The following DNAJC6 variants were observed in gnomAD, a reference collection of about 807,000 sequenced individuals.
DNAJC6 encodes auxilin.
DNAJC6 carries 34 observed loss-of-function variants against 110.0 expected under a neutral mutation model. The ratio of observed to expected loss-of-function variants is 0.31; its 90% CI spans 0.24 to 0.41. The LOEUF (loss-of-function observed/expected upper bound fraction) is 0.41, where lower values mean the gene tolerates loss of function less well. Ranked by LOEUF, DNAJC6 falls within the 10% of genes least tolerant of loss-of-function variation. DNAJC6 has a pLI of 1.00. For synonymous variants in DNAJC6, 406 were observed against 437.2 expected (o/e 0.93, Z 0.89); for missense variants, 1,031 against 1,207.8 (o/e 0.85, Z 2.17).
chr1:65,292,021 C>G (rs1262336916), intron 1 of DNAJC6, among the ~76,000 whole-genome samples: 2 of 151,546 alleles, frequency 1.3e-5, no homozygotes, highest in Non-Finnish European at 2.9e-5. Context: ...TTTTTATTTA[C>G]TTTTTACTTT....
chr1:65,364,530 C>T (rs1645626740), intron 1 of DNAJC6, 105 bp from the exon 2 acceptor site: 7 of 1,289,256 alleles, frequency 5.4e-6, no homozygotes, highest in Non-Finnish European at 7.3e-6. Flanking sequence ...GTCCCAGACT[C>T]TTAAAGACAG....
chr1:65,388,550 A>G, intron 9 of DNAJC6, 135 bp downstream of exon 9: 1 of 764,776 alleles, frequency 1.3e-6, no homozygotes, highest in Non-Finnish European at 2.2e-6. Context: ...TAGCACAGAG[A>G]GGCTGTGGGC....
intron 1 of DNAJC6, among the ~76,000 whole-genome samples, chr1:65,340,827 T>C (rs1024616304): frequency 6.6e-6 from 1 of 152,194 alleles, no homozygotes; most frequent in Non-Finnish European, 1.5e-5. Flanking sequence ...GTTATTACAC[T>C]TTCTATTTAT....
chr1:65,395,058 C>T, intron 13 of DNAJC6, 26 bp downstream of exon 13: 1 of 1,574,884 alleles, frequency 6.3e-7, no homozygotes, highest in Non-Finnish European at 8.6e-7. Flanking sequence ...ATATTGTGTT[C>T]AGTGGAACAT....
intron 1 of DNAJC6, among the ~76,000 whole-genome samples, chr1:65,302,099 TAATATATAATATATATATATATATAAAA>T (rs1253691849): frequency 1.7e-4 from 5 of 29,980 alleles, no homozygotes; most frequent in South Asian, 2.2e-3. Flanking sequence ...ATTATATATA[TAATATATAATATATATATATATATAAAA>T]AATATATATA....
chr1:65,285,909 G>A (rs903555766), intron 1 of DNAJC6, among the ~76,000 whole-genome samples: 7 of 152,120 alleles, frequency 4.6e-5, no homozygotes, highest in Admixed American at 6.5e-5. Flanking sequence ...GGCCTCGAGT[G>A]ATCTGCCCGC....
At chr1:65,334,737 A>T (rs1645319505) in intron 1 of DNAJC6, among the ~76,000 whole-genome samples, 1 of 152,006 alleles carries the variant, frequency 6.6e-6, no homozygotes, top group Admixed American at 6.6e-5. Context: ...GGTGGGTTGG[A>T]TTTGGGTTTT....
chr1:65,332,457 T>A (rs1385690152), intron 1 of DNAJC6, among the ~76,000 whole-genome samples: 1 of 152,216 alleles, frequency 6.6e-6, no homozygotes, highest in African/African-American at 2.4e-5. Context: ...AGAAATAAAC[T>A]AATATCATGT....
rs550641736 is a variant in DNAJC6, at chr1:65,360,880, A to T, written c.194-3755A>T. On this transcript the variant is annotated intron_variant, in intron 1 of 18. Transcript: ENST00000371069. ...ATTTATGAGGGTGCTTATTGTAGGGATATCTGCCGCTGAGAGCAGCCAGAT... is the reference window on the plus strand; with the variant it reads ...ATTTATGAGGGTGCTTATTGTAGGGTTATCTGCCGCTGAGAGCAGCCAGAT... Among the ~76,000 whole-genome samples, 9 of 152,260 alleles carry T rather than the reference A, an allele frequency of 5.9e-5. No individual in the cohort carries two copies. In the East Asian group the frequency reaches 1.7e-3, roughly 29 times the overall value.
intron 1 of DNAJC6, among the ~76,000 whole-genome samples, chr1:65,357,907 G>A (rs530446607): frequency 2.6e-5 from 4 of 152,176 alleles, no homozygotes; most frequent in South Asian, 2.1e-4. Flanking sequence ...GGCCGGGCAC[G>A]GTGGCTCATG....
At chr1:65,375,644 T>C (rs1247901166) in intron 4 of DNAJC6, among the ~76,000 whole-genome samples, 1 of 152,094 alleles carries the variant, frequency 6.6e-6, no homozygotes, top group Non-Finnish European at 1.5e-5. Context: ...GCCAGGATGG[T>C]CTCGATTTCC....
intron 6 of DNAJC6, among the ~76,000 whole-genome samples, chr1:65,384,595 G>A (rs544119885): frequency 4.6e-5 from 7 of 152,246 alleles, no homozygotes; most frequent in Admixed American, 2.6e-4. Context: ...ACATGGTGGC[G>A]GGGAAGAGAG....
chr1:65,394,828 G>T, intron 12 of DNAJC6, 70 bp from the exon 13 acceptor site: 1 of 1,503,660 alleles, frequency 6.7e-7, no homozygotes, highest in Admixed American at 2.2e-5. Flanking sequence ...CCTACAGGAA[G>T]TGACAATTCT....
At chr1:65,340,072 C>T (rs1442478675) in intron 1 of DNAJC6, among the ~76,000 whole-genome samples, 1 of 152,202 alleles carries the variant, frequency 6.6e-6, no homozygotes, top group Non-Finnish European at 1.5e-5. Context: ...ATTCCACCTC[C>T]ACATTTTATA....
intron 1 of DNAJC6, among the ~76,000 whole-genome samples, chr1:65,336,322 A>G (rs1397297255): frequency 6.6e-6 from 1 of 152,172 alleles, no homozygotes; most frequent in Non-Finnish European, 1.5e-5. Context: ...AACTGCCCCC[A>G]TGATTCAGTT....
chr1:65,409,619 A>T (rs1328882859), intron 17 of DNAJC6, among the ~76,000 whole-genome samples: 2 of 152,070 alleles, frequency 1.3e-5, no homozygotes, highest in East Asian at 1.9e-4. Context: ...TCTTTTCTCT[A>T]CCGATAGAGA....
intron 1 of DNAJC6, among the ~76,000 whole-genome samples, chr1:65,293,919 T>C (rs940290523): frequency 2.0e-5 from 3 of 152,208 alleles, no homozygotes; most frequent in Non-Finnish European, 4.4e-5. Flanking sequence ...AAAACATGTT[T>C]ACCCTATGAT....
At chr1:65,348,983 TATAA>T (rs1335670822) in intron 1 of DNAJC6, among the ~76,000 whole-genome samples, 1 of 145,680 alleles carries the variant, frequency 6.9e-6, no homozygotes, top group African/African-American at 2.5e-5. Flanking sequence ...TATGTAAATA[TATAA>T]ATATATATGT....
At chr1:65,378,597 G>GGGC (rs1645789339) in intron 4 of DNAJC6, among the ~76,000 whole-genome samples, 3 of 152,206 alleles carry the variant, frequency 2.0e-5, no homozygotes, top group Admixed American at 2.0e-4. Context: ...AGCTAGATTA[G>GGGC]TAAGTATGTA....
Sources: allele counts gnomAD v4.1 joint callset (sites outside exome capture counted in the v4.1 genomes callset), GRCh38; gene constraint gnomAD v4.1.1; transcripts MANE v1.5; gene names NCBI Gene and HGNC (gene_info 2026-07-23, HGNC 2026-07-21).